C12orf42: variants seen among roughly 807,000 people sequenced by gnomAD.
C12orf42 encodes chromosome 12 open reading frame 42, also known as uncharacterized protein C12orf42.
Under a neutral mutation model 21.6 loss-of-function variants are expected in C12orf42, and 25 were observed. The ratio of observed to expected loss-of-function variants is 1.16; its 90% CI spans 0.84 to 1.62. C12orf42 has a LOEUF of 1.62. Ranked by LOEUF, C12orf42 falls within the 40% of genes most tolerant of loss-of-function variation. C12orf42 has a pLI of 0.00. For synonymous variants in C12orf42, 174 were observed against 175.0 expected (o/e 0.99, Z 0.05); for missense variants, 483 against 459.3 (o/e 1.05, Z -0.47).
rs527890321 is a variant in C12orf42 at position 103,284,680 on chromosome 12, G to T, written n.338-7470C>A. Among the ~76,000 whole-genome samples, 41 of 152,236 alleles carry T rather than the reference G, an allele frequency of 2.7e-4. 1 individual carries two copies. The highest frequency in any genetic ancestry group is 9.4e-4 in the African/African-American group (39 of 41,526). ...CATGGTAGGCCTTTGTTACATATTT[G>T]TTGAATGAATAAATGAATTCCTATC... is the stretch of plus-strand genomic sequence containing the variant. On this transcript the variant is annotated intron_variant and non_coding_transcript_variant, in intron 4 of 6. Coordinates refer to the C12orf42 transcript ENST00000546526.
the C12orf42 span, among the ~76,000 whole-genome samples, chr12:103,120,355 T>C: frequency 6.6e-6 from 1 of 152,148 alleles, no homozygotes; most frequent in Non-Finnish European, 1.5e-5. Context: ...TGAATCAATC[T>C]AAAGAGCAGA....
chr12:103,101,634 C>T, the C12orf42 span, among the ~76,000 whole-genome samples: 4 of 152,188 alleles, frequency 2.6e-5, no homozygotes, highest in Admixed American at 6.5e-5. Flanking sequence ...ACCCACTGAA[C>T]ATACCTAAAT....
chr12:103,335,274 C>T (rs1483524778), intron 4 of C12orf42, among the ~76,000 whole-genome samples: 1 of 152,186 alleles, frequency 6.6e-6, no homozygotes, highest in Non-Finnish European at 1.5e-5. Flanking sequence ...AGCCTGTGCT[C>T]AAGCAGGATG....
At chr12:103,375,841 C>A (rs73185876) in intron 3 of C12orf42, among the ~76,000 whole-genome samples, 1,877 of 152,260 alleles carry the variant, frequency 0.012, 18 homozygotes, top group Middle Eastern at 0.037. Flanking sequence ...TTCTCATAGT[C>A]AAATGGACAA....
downstream of C12orf42, chr12:103,267,485 A>G (rs1221821731): frequency 1.9e-4 from 29 of 152,164 alleles, no homozygotes; most frequent in Admixed American, 1.9e-3. Context: ...AATTACACAA[A>G]TTATATATGT....
chr12:103,100,912 G>T, the C12orf42 span, among the ~76,000 whole-genome samples: 1 of 152,208 alleles, frequency 6.6e-6, no homozygotes, highest in African/African-American at 2.4e-5. Flanking sequence ...TACCTCCCAA[G>T]ATAGTGGTGA....
chr12:103,435,094 CT>C (rs1414188008), intron 2 of C12orf42, among the ~76,000 whole-genome samples: 1 of 152,180 alleles, frequency 6.6e-6, no homozygotes, highest in East Asian at 1.9e-4. Context: ...TCCCTGACCC[CT>C]GACCCCCGAG....
the C12orf42 span, among the ~76,000 whole-genome samples, chr12:103,175,548 C>T: frequency 2.6e-5 from 4 of 152,148 alleles, no homozygotes; most frequent in Non-Finnish European, 4.4e-5. Context: ...GTGGCCTCGA[C>T]TGCCAAAAAG....
At chr12:103,146,898 ACTC>A in the C12orf42 span, among the ~76,000 whole-genome samples, 12 of 152,196 alleles carry the variant, frequency 7.9e-5, no homozygotes, top group Non-Finnish European at 1.6e-4. Context: ...AGATGAGAAA[ACTC>A]CTGCATTTTG....
At position 103,324,999 on chromosome 12, in the gene C12orf42, A is replaced by C. The variant is rs117705461; in HGVS notation, c.260-18654T>G. ...AATTTGGTTAACCGAAAATTAACAA[A>C]AATGTGCTTTCTGTAAAAGGGAGCT... On this transcript the variant is annotated intron_variant, in intron 4 of 5. Coordinates refer to ENST00000548883, the MANE Select transcript of C12orf42 (RefSeq NM_198521.5). 7.8e-4 allele frequency among the ~76,000 whole-genome samples: 119 copies of C among 152,370 alleles called. 1 individual carries two copies. In the East Asian group the frequency reaches 0.019, roughly 24 times the overall value.
intron 4 of C12orf42, among the ~76,000 whole-genome samples, chr12:103,290,143 A>G (rs1008350774): frequency 3.3e-5 from 5 of 152,082 alleles, no homozygotes; most frequent in African/African-American, 4.8e-5. Flanking sequence ...AAGATGTACC[A>G]CTCTGCTGGG....
chr12:103,210,767 C>T, the C12orf42 span, among the ~76,000 whole-genome samples: 3 of 150,252 alleles, frequency 2.0e-5, no homozygotes, highest in African/African-American at 7.4e-5. Flanking sequence ...CTAATTCAGT[C>T]AGGGTATTAG....
At chr12:103,389,723 C>G (rs2138412147) in intron 3 of C12orf42, among the ~76,000 whole-genome samples, 1 of 152,320 alleles carries the variant, frequency 6.6e-6, no homozygotes, top group Non-Finnish European at 1.5e-5. Context: ...TAGAAGGTCA[C>G]AGGGGCAGGG....
chr12:103,146,479 CAAA>C, the C12orf42 span, among the ~76,000 whole-genome samples: 5 of 22,882 alleles, frequency 2.2e-4, no homozygotes, highest in African/African-American at 4.9e-4. Flanking sequence ...GACCCTGTCT[CAAA>C]AAAAAAAAAA....
chr12:103,538,206 C>T, the C12orf42 span, among the ~76,000 whole-genome samples: 1 of 152,044 alleles, frequency 6.6e-6, no homozygotes, highest in Non-Finnish European at 1.5e-5. Flanking sequence ...TGCATTCTTT[C>T]CAAAAAGAAT....
At chr12:103,325,356 G>T (rs2040576236) in intron 4 of C12orf42, among the ~76,000 whole-genome samples, 1 of 152,184 alleles carries the variant, frequency 6.6e-6, no homozygotes, top group African/African-American at 2.4e-5. Flanking sequence ...CTCCGATCTG[G>T]CATCCAGTCA....
At chr12:103,324,891 T>A (rs952381800) in intron 4 of C12orf42, among the ~76,000 whole-genome samples, 1 of 152,160 alleles carries the variant, frequency 6.6e-6, no homozygotes, top group Admixed American at 6.5e-5. Context: ...AAACCTGACA[T>A]TGGTGTTGAA....
chr12:103,223,638 A>C, the C12orf42 span, among the ~76,000 whole-genome samples: 9 of 152,210 alleles, frequency 5.9e-5, no homozygotes, highest in Non-Finnish European at 1.2e-4. Context: ...GGCATTTATG[A>C]GTAGTTGAGA....
chr12:103,125,860 T>C, the C12orf42 span, among the ~76,000 whole-genome samples: 3 of 152,176 alleles, frequency 2.0e-5, no homozygotes, highest in East Asian at 5.8e-4. Context: ...ACTAAGATGT[T>C]TCTGCCAGAA....
Sources: allele counts gnomAD v4.1 joint callset (sites outside exome capture counted in the v4.1 genomes callset), GRCh38; gene constraint gnomAD v4.1.1; transcripts MANE v1.5; gene names NCBI Gene and HGNC (gene_info 2026-07-23, HGNC 2026-07-21).